Variants in SLC35F4 observed in about 807,000 individuals in gnomAD.
The protein encoded by SLC35F4 is solute carrier family 35 member F4.
SLC35F4 carries 24 observed loss-of-function variants against 44.2 expected under a neutral mutation model. That is an observed-to-expected ratio of 0.54 (90% CI 0.39 to 0.76). The LOEUF (loss-of-function observed/expected upper bound fraction) is 0.76. Ranked by LOEUF, SLC35F4 falls within the 30% of genes least tolerant of loss-of-function variation. The probability of loss-of-function intolerance (pLI) is 0.00; values close to 1 mark genes in which losing one functional copy is unlikely to be tolerated. For synonymous variants in SLC35F4, 238 were observed against 223.6 expected (o/e 1.06, Z -0.57); for missense variants, 562 against 586.1 (o/e 0.96, Z 0.42).
chr14:57,635,241 TACTC>T (rs1213129213), intron 1 of SLC35F4, among the ~76,000 whole-genome samples: 4 of 138,960 alleles, frequency 2.9e-5, no homozygotes, highest in Non-Finnish European at 6.2e-5. Flanking sequence ...GCAAGACTCT[TACTC>T]AAAAAAAAAA....
intron 1 of SLC35F4, among the ~76,000 whole-genome samples, chr14:57,770,506 A>G (rs1178818572): frequency 6.6e-6 from 1 of 152,228 alleles, no homozygotes; most frequent in Non-Finnish European, 1.5e-5. Flanking sequence ...AGTCTCCCAG[A>G]AAAAGCAAGC....
intron 1 of SLC35F4, among the ~76,000 whole-genome samples, chr14:57,755,369 A>C (rs112139904): frequency 9.1e-4 from 138 of 152,288 alleles, no homozygotes; most frequent in African/African-American, 3.0e-3. Flanking sequence ...TAACCCAGAG[A>C]GTAGGGAGCA....
At chr14:57,946,469 C>CTTTTTTTTTT (rs71104596) in intron 1 of SLC35F4, among the ~76,000 whole-genome samples, 53 of 78,208 alleles carry the variant, frequency 6.8e-4, no homozygotes, top group Non-Finnish European at 8.2e-4. Flanking sequence ...GTTTTCTTTT[C>CTTTTTTTTTT]TTTTTTTTTT....
intron 1 of SLC35F4, among the ~76,000 whole-genome samples, chr14:57,897,590 C>T (rs1216340287): frequency 6.6e-6 from 1 of 151,986 alleles, no homozygotes; most frequent in Non-Finnish European, 1.5e-5. Flanking sequence ...CCAGCAGTCC[C>T]ACCTCTACTT....
chr14:57,877,928 T>A (rs933345643), intron 1 of SLC35F4, among the ~76,000 whole-genome samples: 6 of 151,966 alleles, frequency 3.9e-5, no homozygotes, highest in African/African-American at 1.2e-4. Flanking sequence ...CAGGTGATCA[T>A]CCTGACTCAG....
chr14:57,937,580 A>C (rs1183440028), intron 1 of SLC35F4, among the ~76,000 whole-genome samples: 1 of 128,234 alleles, frequency 7.8e-6, no homozygotes, highest in Non-Finnish European at 1.7e-5. Context: ...AAAAGAGAAA[A>C]GAAAAGAAAG....
At chr14:57,582,121 G>A (rs756602091) in intron 3 of SLC35F4, among the ~76,000 whole-genome samples, 11 of 152,086 alleles carry the variant, frequency 7.2e-5, no homozygotes, top group African/African-American at 1.7e-4. Context: ...TTAAATCTTC[G>A]GTTTGTTTGA....
intron 1 of SLC35F4, among the ~76,000 whole-genome samples, chr14:57,757,799 C>T (rs116675785): frequency 6.6e-6 from 1 of 152,066 alleles, no homozygotes; most frequent in Non-Finnish European, 1.5e-5. Flanking sequence ...AAACATTTTA[C>T]ATATTTAGTC....
intron 1 of SLC35F4, among the ~76,000 whole-genome samples, chr14:57,671,054 ACCACCATG>A (rs894427441): frequency 6.6e-6 from 1 of 150,890 alleles, no homozygotes; most frequent in African/African-American, 2.5e-5. Context: ...ATAGACACAC[ACCACCATG>A]CCACCTAATT....
chr14:57,812,718 A>G (rs1003553817), intron 1 of SLC35F4, among the ~76,000 whole-genome samples: 2 of 152,216 alleles, frequency 1.3e-5, no homozygotes, highest in African/African-American at 4.8e-5. Context: ...GAAAAAAAAA[A>G]GCATCTGTTA....
intron 1 of SLC35F4, among the ~76,000 whole-genome samples, chr14:57,611,752 G>A (rs77550675): frequency 0.022 from 3,403 of 152,228 alleles, 54 homozygotes; most frequent in Middle Eastern, 0.044. Flanking sequence ...GAGGTGGAAG[G>A]AAGAGGAATG....
At chr14:57,826,751 A>G (rs1463156833) in intron 1 of SLC35F4, among the ~76,000 whole-genome samples, 1 of 151,980 alleles carries the variant, frequency 6.6e-6, no homozygotes, top group Non-Finnish European at 1.5e-5. Context: ...CAAACATGTG[A>G]AAAAAAAGCT....
intron 1 of SLC35F4, among the ~76,000 whole-genome samples, chr14:57,638,852 C>G (rs2073113618): frequency 6.6e-6 from 1 of 151,992 alleles, no homozygotes; most frequent in African/African-American, 2.4e-5. Flanking sequence ...GTCAGAGGTC[C>G]CCTATCAAGA....
intron 1 of SLC35F4, among the ~76,000 whole-genome samples, chr14:57,624,051 G>T (rs566504521): frequency 6.6e-6 from 1 of 151,762 alleles, no homozygotes; most frequent in South Asian, 2.1e-4. Context: ...GATGGACACT[G>T]TCCAGACTAA....
chr14:57,713,332 C>A (rs1465372723), intron 1 of SLC35F4, among the ~76,000 whole-genome samples: 1 of 152,148 alleles, frequency 6.6e-6, no homozygotes, highest in African/African-American at 2.4e-5. Context: ...CTCTCCCTTG[C>A]CCACAGAATA....
intron 1 of SLC35F4, among the ~76,000 whole-genome samples, chr14:57,827,396 G>A (rs1279908007): frequency 6.6e-6 from 1 of 152,066 alleles, no homozygotes; most frequent in Non-Finnish European, 1.5e-5. Flanking sequence ...ATGCATGCTG[G>A]GCTCAATACC....
intron 6 of SLC35F4, among the ~76,000 whole-genome samples, chr14:57,568,690 A>G (rs2068329193): frequency 6.6e-6 from 1 of 152,194 alleles, no homozygotes; most frequent in African/African-American, 2.4e-5. Flanking sequence ...GATGAAAATA[A>G]GAACATTTAG....
chr14:57,945,659 A>C lies in SLC35F4; in HGVS notation n.282+36254T>G, dbSNP rs549534343. On this transcript the variant is annotated intron_variant and non_coding_transcript_variant, in intron 1 of 1. Coordinates refer to the SLC35F4 transcript ENST00000556568. ...ACCCAGTAGTGGGATTGCTGGATCA[A>C]ATGGTAGTTCTACTTTTAGTTCTTT... Among the ~76,000 whole-genome samples the C allele has an allele frequency of 2.0e-4, 30 of 152,164 alleles. No individual in the cohort carries two copies. In the South Asian group the frequency reaches 5.8e-3, roughly 29 times the overall value.
At chr14:57,843,845 G>GTA (rs1237760037) in intron 1 of SLC35F4, among the ~76,000 whole-genome samples, 11 of 152,068 alleles carry the variant, frequency 7.2e-5, no homozygotes, top group Admixed American at 4.6e-4. Context: ...TAACCCCCTG[G>GTA]TATCTTCTCT....
Sources: allele counts gnomAD v4.1 joint callset (sites outside exome capture counted in the v4.1 genomes callset), GRCh38; gene constraint gnomAD v4.1.1; transcripts MANE v1.5; gene names NCBI Gene and HGNC (gene_info 2026-07-23, HGNC 2026-07-21).